Variants in UBR1 observed in about 807,000 individuals in gnomAD.
UBR1 encodes the protein ubiquitin protein ligase E3 component n-recognin 1.
A neutral mutation model predicts 242.1 loss-of-function variants in UBR1; 102 were observed. The ratio of observed to expected loss-of-function variants is 0.42; its 90% CI spans 0.36 to 0.50. The LOEUF (loss-of-function observed/expected upper bound fraction) is 0.50. Ranked by LOEUF, UBR1 falls within the 20% of genes least tolerant of loss-of-function variation. The pLI, the probability that UBR1 is intolerant of heterozygous loss-of-function variation, is 0.01. For synonymous variants in UBR1, 675 were observed against 684.8 expected, an observed-to-expected ratio of 0.99 and a Z score of 0.22; for missense variants, 1,772 against 2,101.8, an observed-to-expected ratio of 0.84 and a Z score of 3.07.
Position 43,017,943 on chromosome 15 carries a change from C to T in UBR1, c.2941-762G>A, listed in dbSNP as rs182890731. Among the ~76,000 whole-genome samples, 9 of 151,890 alleles carry T rather than the reference C, an allele frequency of 5.9e-5. No homozygotes were observed. The East Asian group carries it at 1.5e-3, about 26-fold the overall frequency. On this transcript the variant is annotated intron_variant, in intron 27 of 46. Coordinates refer to ENST00000290650, the MANE Select transcript of UBR1 (RefSeq NM_174916.3). ...AGATCTTACCATACATACTGTTTCA[C>T]ACATCCTCTTTTCACTTAATCATTT...
Position 42,966,257 on chromosome 15 carries a change from T to C in UBR1, c.4487A>G (p.Tyr1496Cys). The C allele has an allele frequency of 6.2e-7, 1 of 1,614,018 alleles. No individual in the cohort carries two copies. Among genetic ancestry groups the C allele is most frequent in the Non-Finnish European group, 8.5e-7 (1 of 1,180,000 alleles). ...GSIGCDIPGW[Y>C]LWVSLKNGIT... is the part of the protein sequence containing the mutation. Reference sequence around the variant, plus strand: ...GCCATTCTTCAGTGAGACCCACAAATACCAGCCAGGAATATCACACCCAAT... The same window carrying C: ...GCCATTCTTCAGTGAGACCCACAAACACCAGCCAGGAATATCACACCCAAT... The change falls in exon 41 of 47, where the codon TAT becomes TGT. Residue 1496 changes from tyrosine to cysteine, a missense_variant. By Grantham distance (194) the Tyr-to-Cys change is radical. Coordinates refer to ENST00000290650, the MANE Select transcript of UBR1 (RefSeq NM_174916.3).
chr15:42,956,820 C>T lies in UBR1; in HGVS notation c.4835+1193G>A, dbSNP rs147153494. Among the ~76,000 whole-genome samples the T allele has an allele frequency of 1.6e-3, 247 of 152,164 alleles. No individual in the cohort carries two copies. In the Middle Eastern group the frequency reaches 0.017, roughly 10 times the overall value. ...CTTGTGTCAGGGTAGGCAATAGAGA[C>T]GTCTTCCAAAAATTGAGGCTGTATG... On this transcript the variant is annotated intron_variant, in intron 44 of 46. Transcript: ENST00000290650.
At position 42,955,984 on chromosome 15, in the gene UBR1, C is replaced by G. The variant is rs1464201436; in HGVS notation, c.4835+2029G>C. 2.0e-5 allele frequency among the ~76,000 whole-genome samples: 3 copies of G among 152,072 alleles called. No homozygotes were observed. In the East Asian group the frequency reaches 5.8e-4, roughly 29 times the overall value. ...CACCAGTCTTTGTTATCATCCAGTT[C>G]TTTTTCCACTTGAAATTATCAGTGA... is the stretch of plus-strand genomic sequence containing the variant. On this transcript the variant is annotated intron_variant, in intron 44 of 46. Coordinates refer to ENST00000290650, the MANE Select transcript of UBR1 (RefSeq NM_174916.3).
intron 26 of UBR1, among the ~76,000 whole-genome samples, chr15:43,021,833 C>T (rs1047692610): frequency 5.3e-5 from 8 of 152,136 alleles, no homozygotes; most frequent in Non-Finnish European, 1.2e-4. Flanking sequence ...CAAGGTTTGC[C>T]AATCAATCCC....
Position 42,983,919 on chromosome 15 carries a change from T to A in UBR1, c.4128A>T (p.Lys1376Asn). 1 of 1,612,814 alleles carries A rather than the reference T, an allele frequency of 6.2e-7. No individual in the cohort carries two copies. Among genetic ancestry groups the A allele is most frequent in the Non-Finnish European group, 8.5e-7 (1 of 1,179,286 alleles). The change falls in exon 37 of 47, where the codon AAA (lysine) becomes AAT (asparagine). Residue 1376 changes from lysine (K) to asparagine (N), a missense_variant. Physicochemically the swap from Lys to Asn is moderately conservative, Grantham distance 94. This residue lies in a region of UBR1 where 965 missense variants were observed against 1,079.7 expected (regional missense o/e 0.89). Coordinates refer to ENST00000290650, the MANE Select transcript of UBR1 (RefSeq NM_174916.3). ...RITCPQVLIQ[K>N]HLVRLLSVVL... Reference sequence around the variant, plus strand: ...TACCTGATAGAAGACGAACCAGATGTTTCTGTATCAGGACCTGAGGACAGG... The same window carrying A: ...TACCTGATAGAAGACGAACCAGATGATTCTGTATCAGGACCTGAGGACAGG...
At chr15:43,061,663 CTGGGTGAGAT>C (rs2033689068) in intron 6 of UBR1, among the ~76,000 whole-genome samples, 1 of 152,114 alleles carries the variant, frequency 6.6e-6, no homozygotes, top group African/African-American at 2.4e-5. Context: ...TTGCAGCAAC[CTGGGTGAGAT>C]TGGAGACTAT....
chr15:42,948,347 T>A (rs992450433), intron 46 of UBR1, among the ~76,000 whole-genome samples: 35 of 152,070 alleles, frequency 2.3e-4, no homozygotes, highest in South Asian at 1.0e-3. Context: ...AACCTAGGCA[T>A]TACCATTCAG....
chr15:42,955,038 G>A (rs1445461837), intron 44 of UBR1, among the ~76,000 whole-genome samples: 2 of 152,046 alleles, frequency 1.3e-5, no homozygotes, highest in Non-Finnish European at 2.9e-5. Context: ...GTGGTGGCGG[G>A]TGCCTGTAAT....
At chr15:43,046,400 A>T (rs2033486410) in intron 14 of UBR1, among the ~76,000 whole-genome samples, 1 of 152,208 alleles carries the variant, frequency 6.6e-6, no homozygotes, top group African/African-American at 2.4e-5. Context: ...TGTTGTTTTT[A>T]AAAATAAGCG....
chr15:43,044,020 T>C (rs1470378688), intron 14 of UBR1, among the ~76,000 whole-genome samples: 2 of 151,902 alleles, frequency 1.3e-5, no homozygotes, highest in Non-Finnish European at 1.5e-5. Context: ...AATTTAAGTA[T>C]GGGGAAAGAT....
chr15:43,042,346 G>T (rs2033430112), intron 15 of UBR1, among the ~76,000 whole-genome samples: 1 of 151,900 alleles, frequency 6.6e-6, no homozygotes, highest in Admixed American at 6.6e-5. Context: ...ATATTATTCA[G>T]CCTTTAAAAA....
chr15:43,071,495 G>T (rs980832481), intron 4 of UBR1, among the ~76,000 whole-genome samples: 4 of 152,174 alleles, frequency 2.6e-5, no homozygotes, highest in African/African-American at 9.7e-5. Flanking sequence ...GAGTTTCAGT[G>T]TCACAAGATG....
At chr15:43,046,612 GAC>G (rs2033490152) in intron 14 of UBR1, among the ~76,000 whole-genome samples, 1 of 152,142 alleles carries the variant, frequency 6.6e-6, no homozygotes, top group Non-Finnish European at 1.5e-5. Context: ...TATGGTAACA[GAC>G]ACAGAGAAAG....
At chr15:42,949,973 C>T (rs1037689322) in intron 46 of UBR1, among the ~76,000 whole-genome samples, 4 of 150,498 alleles carry the variant, frequency 2.7e-5, no homozygotes, top group Admixed American at 6.6e-5. Context: ...CAAGTAGCTG[C>T]GATTACAGGC....
intron 12 of UBR1, among the ~76,000 whole-genome samples, chr15:43,049,846 C>T (rs1466860428): frequency 2.0e-5 from 3 of 152,176 alleles, no homozygotes; most frequent in African/African-American, 7.2e-5. Context: ...TAGAGCACTA[C>T]TACTCAAAGT....
intron 15 of UBR1, among the ~76,000 whole-genome samples, chr15:43,039,812 G>A (rs1176044542): frequency 6.6e-6 from 1 of 151,976 alleles, no homozygotes; most frequent in African/African-American, 2.4e-5. Context: ...ATTGGCTGTG[G>A]GTTTGTCATA....
intron 11 of UBR1, 31 bp from the exon 12 acceptor site, chr15:43,054,930 G>A: frequency 6.2e-7 from 1 of 1,611,954 alleles, no homozygotes; most frequent in Non-Finnish European, 8.5e-7. Flanking sequence ...ATTTTCTTTA[G>A]CATTAACTCA....
intron 19 of UBR1, 24 bp downstream of exon 19, chr15:43,036,154 T>G (rs765892025): frequency 5.9e-6 from 9 of 1,513,734 alleles, no homozygotes; most frequent in Non-Finnish European, 8.3e-6. Context: ...TAAAATTAAT[T>G]CACATAATTT....
At chr15:43,099,414 A>C (rs1411145571) in intron 1 of UBR1, among the ~76,000 whole-genome samples, 4 of 152,212 alleles carry the variant, frequency 2.6e-5, no homozygotes, top group Non-Finnish European at 5.9e-5. Context: ...CGTAACCATA[A>C]CAATATTAAA....
Sources: gnomAD v4.1 joint callset for allele counts (sites outside exome capture counted in the v4.1 genomes callset) on GRCh38, gnomAD v4.1.1 for gene constraint, gnomAD v4.1.1 regional missense constraint, MANE v1.5 for transcripts, NCBI Gene and HGNC (gene_info 2026-07-23, HGNC 2026-07-21) for gene names.